The following PRPF6 variants were observed in gnomAD, a reference collection of about 807,000 sequenced individuals.
PRPF6 encodes pre-mRNA processing factor 6, also known as pre-mRNA-processing factor 6.
PRPF6 carries 42 observed loss-of-function variants against 118.3 expected under a neutral mutation model. That is an observed-to-expected ratio of 0.35 (90% CI 0.28 to 0.46). The LOEUF (loss-of-function observed/expected upper bound fraction) is 0.46. PRPF6 is among the 20% of genes least tolerant of loss of function. PRPF6 has a pLI of 1.00. For synonymous variants in PRPF6, 481 were observed against 485.1 expected (o/e 0.99, Z 0.11); for missense variants, 662 against 1,255.7 (o/e 0.53, Z 7.15).
In PRPF6 at chr20:64,022,864, G is replaced by A. The variant is rs1338535005; in HGVS notation, c.1755G>A (p.Lys585=). ...SVWLRAAYFE[K]NHGTRESLEA... ...GGCTGCGCGCCGCGTACTTCGAGAA[G>A]AACCATGGCACTCGGTATGTGGTGG... The change falls in exon 13 of 21, where the codon AAG becomes AAA. Residue 585 remains lysine, a synonymous_variant. Coordinates refer to ENST00000266079, the MANE Select transcript of PRPF6 (RefSeq NM_012469.4). 6.2e-7 allele frequency: 1 copy of A among 1,614,054 alleles called. No individual in the cohort carries two copies.
chr20:63,983,561 CT>C (rs949481828), intron 2 of PRPF6, among the ~76,000 whole-genome samples: 3 of 97,048 alleles, frequency 3.1e-5, no homozygotes, highest in Non-Finnish European at 4.2e-5. Context: ...ATTGGCCAGT[CT>C]TTTTTTTTTG....
intron 3 of PRPF6, among the ~76,000 whole-genome samples, chr20:63,989,620 A>G (rs1471548480): frequency 5.3e-5 from 8 of 151,996 alleles, no homozygotes; most frequent in Non-Finnish European, 1.0e-4. Flanking sequence ...GGTTCAAGCA[A>G]TTCTCCTGCC....
At chr20:64,012,812 T>A (rs1425915694) in intron 11 of PRPF6, among the ~76,000 whole-genome samples, 2 of 125,050 alleles carry the variant, frequency 1.6e-5, no homozygotes, top group Non-Finnish European at 3.2e-5. Context: ...TCACGGCTTC[T>A]TTCTTTGCTA....
At position 64,025,921 on chromosome 20, in the gene PRPF6, G is replaced by T. The variant is rs2059287700; in HGVS notation, c.1909-18G>T. 4 of 1,613,548 alleles carry T rather than the reference G, an allele frequency of 2.5e-6. No individual in the cohort carries two copies. Among genetic ancestry groups the T allele is most frequent in the Non-Finnish European group, 3.4e-6 (4 of 1,180,032 alleles). ...CTGTGTTCTGACCCCTCTTGACGCT[G>T]CTGTACTTGCCCTTCAGGCCAACCC... On this transcript the variant is annotated intron_variant, in intron 14 of 20. Transcript: ENST00000266079.
At chr20:63,982,968 A>G in intron 1 of PRPF6, 79 bp from the exon 2 acceptor site, 1 of 1,520,338 alleles carries the variant, frequency 6.6e-7, no homozygotes, top group South Asian at 1.2e-5. Flanking sequence ...AAGAGGTGTT[A>G]GTAAGTGATA....
chr20:64,032,099 T>A, intron 20 of PRPF6, 55 bp downstream of exon 20: 2 of 1,611,048 alleles, frequency 1.2e-6, no homozygotes, highest in South Asian at 1.1e-5. Context: ...TGGCGGGGAG[T>A]TCCGCCAGCC....
intron 12 of PRPF6, among the ~76,000 whole-genome samples, chr20:64,017,486 C>T (rs1206696868): frequency 5.4e-5 from 8 of 148,952 alleles, no homozygotes; most frequent in African/African-American, 1.0e-4. Flanking sequence ...GGATCACAGG[C>T]GTGAGCCGCC....
chr20:64,006,598 A>T (rs1453808846), intron 9 of PRPF6, among the ~76,000 whole-genome samples: 1 of 152,002 alleles, frequency 6.6e-6, no homozygotes, highest in Non-Finnish European at 1.5e-5. Context: ...GGGATTACAA[A>T]TGTGAGCCAC....
intron 11 of PRPF6, among the ~76,000 whole-genome samples, chr20:64,015,503 G>T (rs2059232889): frequency 6.6e-6 from 1 of 152,190 alleles, no homozygotes; most frequent in South Asian, 2.1e-4. Context: ...TCCATGTCGT[G>T]GTCCCCCATG....
At chr20:64,006,039 C>A (rs767887454) in intron 9 of PRPF6, among the ~76,000 whole-genome samples, 2 of 152,194 alleles carry the variant, frequency 1.3e-5, no homozygotes, top group Non-Finnish European at 2.9e-5. Context: ...TCAGCCAGGA[C>A]CCATATCTTT....
intron 9 of PRPF6, among the ~76,000 whole-genome samples, chr20:64,009,302 A>AC (rs1449069637): frequency 6.0e-5 from 9 of 150,806 alleles, no homozygotes; most frequent in Non-Finnish European, 1.3e-4. Context: ...AAAAAAAAAA[A>AC]AGAGAGGTAT....
chr20:63,982,989 G>T, intron 1 of PRPF6, 58 bp from the exon 2 acceptor site: 1 of 1,591,058 alleles, frequency 6.3e-7, no homozygotes. Flanking sequence ...ACCAGGAGTG[G>T]AGAAGAGCAC....
At chr20:63,992,108 T>C (rs537567364) in intron 3 of PRPF6, among the ~76,000 whole-genome samples, 1 of 152,256 alleles carries the variant, frequency 6.6e-6, no homozygotes, top group East Asian at 1.9e-4. Context: ...TTGTTTTGTT[T>C]TGTTTTGTTT....
chr20:63,985,732 A>G (rs1353366166), intron 3 of PRPF6, among the ~76,000 whole-genome samples: 3 of 152,360 alleles, frequency 2.0e-5, no homozygotes, highest in East Asian at 3.9e-4. Flanking sequence ...TGAACAGACC[A>G]ATAAAAGGTA....
At chr20:64,002,014 G>GGT (rs1322406883) in intron 9 of PRPF6, among the ~76,000 whole-genome samples, 2 of 83,242 alleles carry the variant, frequency 2.4e-5, no homozygotes, top group Non-Finnish European at 4.2e-5. Flanking sequence ...TTTTTTTCTG[G>GGT]TTTTTTTTTT....
At chr20:64,017,452 C>T (rs545239081) in intron 12 of PRPF6, among the ~76,000 whole-genome samples, 1 of 150,232 alleles carries the variant, frequency 6.7e-6, no homozygotes, top group East Asian at 2.0e-4. Flanking sequence ...CGTGAGCCGC[C>T]CTGCCCGGCC....
At chr20:64,020,009 G>A (rs13037583) in intron 12 of PRPF6, among the ~76,000 whole-genome samples, 7,423 of 152,266 alleles carry the variant, frequency 0.049, 259 homozygotes, top group East Asian at 0.16. Context: ...GCTTTGAGCT[G>A]CCAGTCCAGA....
chr20:64,000,257 G>A (rs1465595089), intron 8 of PRPF6, among the ~76,000 whole-genome samples: 1 of 152,142 alleles, frequency 6.6e-6, no homozygotes, highest in Non-Finnish European at 1.5e-5. Flanking sequence ...GGGAGGCTGA[G>A]GCGGGTGGAT....
At chr20:63,995,587 T>C (rs1363245411) in intron 6 of PRPF6, 105 bp downstream of exon 6, 82 of 1,296,306 alleles carry the variant, frequency 6.3e-5, no homozygotes, top group South Asian at 5.0e-4. Context: ...TTCTCCTCCT[T>C]CTCCTCCTCC....
Sources: gnomAD v4.1 joint callset for allele counts (sites outside exome capture counted in the v4.1 genomes callset) on GRCh38, gnomAD v4.1.1 for gene constraint, MANE v1.5 for transcripts, NCBI Gene and HGNC (gene_info 2026-07-23, HGNC 2026-07-21) for gene names.